NDST4: variants seen among roughly 807,000 people sequenced by gnomAD.
The protein encoded by NDST4 is N-heparan sulfate sulfotransferase 4.
NDST4 carries 63 observed loss-of-function variants against 100.8 expected under a neutral mutation model. The observed-to-expected ratio is 0.62, with a 90% CI of 0.51 to 0.77. NDST4 has a LOEUF of 0.77. Among genes scored for constraint, NDST4 ranks in the 30% least tolerant of loss-of-function variants. NDST4 has a pLI of 0.00. For missense variants in NDST4, 943 were observed against 1,018.4 expected, an observed-to-expected ratio of 0.93 and a Z score of 1.01; for synonymous variants, 377 against 361.8, an observed-to-expected ratio of 1.04 and a Z score of -0.48.
At chr4:114,998,974 T>C (rs1206429827) in intron 2 of NDST4, among the ~76,000 whole-genome samples, 1 of 152,058 alleles carries the variant, frequency 6.6e-6, no homozygotes, top group Non-Finnish European at 1.5e-5. Flanking sequence ...TTATCTCATA[T>C]CATAATCACA....
Position 115,078,754 on chromosome 4 carries a change from T to A in NDST4, c.-246-1472A>T, listed in dbSNP as rs193239340. ...TACTCAGGAGGCTGAGACAGAGAAT[T>A]GCTTGAACCCGGGAGGCGGAAGATG... On this transcript the variant is annotated intron_variant, in intron 1 of 13. Coordinates refer to ENST00000264363, the MANE Select transcript of NDST4 (RefSeq NM_022569.3). Among the ~76,000 whole-genome samples the A allele has an allele frequency of 3.7e-3, 563 of 151,974 alleles. 3 individuals are homozygous for A. Among genetic ancestry groups the A allele is most frequent in the South Asian group, 4.6e-3 (22 of 4,804 alleles).
intron 13 of NDST4, among the ~76,000 whole-genome samples, chr4:114,829,479 A>G (rs1282167994): frequency 8.5e-5 from 13 of 152,200 alleles, no homozygotes. Flanking sequence ...ATCCAAAATC[A>G]CTTGTTTAGT....
At position 115,074,575 on chromosome 4, in the gene NDST4, T is replaced by C. The variant is rs1161969467; in HGVS notation, c.978+1484A>G. ...TCAATTGCGGTCACTTTATCTCTTC[T>C]TAACAGTCACAAAATGAAATATTTG... On this transcript the variant is annotated intron_variant, in intron 2 of 13. Coordinates refer to ENST00000264363, the MANE Select transcript of NDST4 (RefSeq NM_022569.3). Among the ~76,000 whole-genome samples, 3 of 152,086 alleles carry C rather than the reference T, an allele frequency of 2.0e-5. No individual in the cohort carries two copies. In the East Asian group the frequency reaches 5.8e-4, roughly 29 times the overall value.
chr4:115,010,459 T>C lies in NDST4; in HGVS notation c.979-33185A>G, dbSNP rs563088897. Among the ~76,000 whole-genome samples, 56 of 128,202 alleles carry C rather than the reference T, an allele frequency of 4.4e-4. 9 individuals are homozygous for C. The highest frequency in any genetic ancestry group is 1.6e-3 in the African/African-American group (54 of 33,744). The allele number at this position is 128,202 out of a possible 152,430, so 84.1% of individuals were successfully genotyped here. A position where few individuals can be genotyped will look rare whatever the true frequency, so the allele number is the denominator to read the frequency against. On this transcript the variant is annotated intron_variant, in intron 2 of 13. Transcript: ENST00000264363. Reference sequence around the variant, plus strand: ...GAACAAAAAAACAAACACCGCATATTCTTACTCATAGGTGGGAATTGAACA... The same window carrying C: ...GAACAAAAAAACAAACACCGCATATCCTTACTCATAGGTGGGAATTGAACA...
In NDST4 at chr4:115,009,887, A is replaced by G. The variant is rs1193517564; in HGVS notation, c.979-32613T>C. Among the ~76,000 whole-genome samples, 92 of 92,662 alleles carry G rather than the reference A, an allele frequency of 9.9e-4. 18 individuals are homozygous for G. Among genetic ancestry groups the G allele is most frequent in the Non-Finnish European group, 3.9e-4 (18 of 46,582 alleles). The allele number at this position is 92,662 out of a possible 152,430, so 60.8% of individuals were successfully genotyped here. A position where few individuals can be genotyped will look rare whatever the true frequency, so the allele number is the denominator to read the frequency against. On this transcript the variant is annotated intron_variant, in intron 2 of 13. Coordinates refer to ENST00000264363, the MANE Select transcript of NDST4 (RefSeq NM_022569.3). The stretch of plus-strand genomic sequence containing the variant: ...AAAAGTGGGCGAAGGACATGAACAG[A>G]CACTTCTCAAAAGAAGACATTTATG...
At chr4:114,881,412 T>C (rs371185406) in intron 6 of NDST4, among the ~76,000 whole-genome samples, 1 of 152,084 alleles carries the variant, frequency 6.6e-6, no homozygotes, top group South Asian at 2.1e-4. Flanking sequence ...GGTGACTGGA[T>C]AGATACTGGA....
chr4:114,996,556 T>G (rs1226082307), intron 2 of NDST4, among the ~76,000 whole-genome samples: 2 of 152,090 alleles, frequency 1.3e-5, no homozygotes, highest in Non-Finnish European at 2.9e-5. Flanking sequence ...CCAAGAGGCC[T>G]TTTAAGGACT....
intron 2 of NDST4, among the ~76,000 whole-genome samples, chr4:115,063,030 A>C (rs1425384796): frequency 6.6e-6 from 1 of 151,964 alleles, no homozygotes; most frequent in Non-Finnish European, 1.5e-5. Flanking sequence ...GATACACTTG[A>C]AATTCAGGAT....
intron 1 of NDST4, among the ~76,000 whole-genome samples, chr4:115,106,440 C>T (rs1398651566): frequency 6.6e-6 from 1 of 151,996 alleles, no homozygotes; most frequent in Non-Finnish European, 1.5e-5. Context: ...ACCCCCTAAC[C>T]CTCCAGGACC....
chr4:114,876,197 T>A (rs1482380114), intron 6 of NDST4, among the ~76,000 whole-genome samples: 3 of 152,192 alleles, frequency 2.0e-5, no homozygotes, highest in African/African-American at 7.2e-5. Context: ...TTTTTCAAGA[T>A]AGGCATTAAA....
chr4:115,040,858 A>G (rs576325726), intron 2 of NDST4, among the ~76,000 whole-genome samples: 39 of 152,024 alleles, frequency 2.6e-4, no homozygotes, highest in Non-Finnish European at 5.1e-4. Flanking sequence ...GTGCATATAT[A>G]TATATATTTA....
intron 2 of NDST4, among the ~76,000 whole-genome samples, chr4:115,012,789 A>C (rs115089542): frequency 0.015 from 2,297 of 152,140 alleles, 68 homozygotes; most frequent in African/African-American, 0.052. Context: ...GAAGCAATCT[A>C]ATTGTTCATC....
chr4:114,889,335 T>A (rs531473798), intron 6 of NDST4, among the ~76,000 whole-genome samples: 1 of 152,280 alleles, frequency 6.6e-6, no homozygotes, highest in Admixed American at 6.6e-5. Flanking sequence ...AGGTGATGAA[T>A]ATACAAATTA....
chr4:115,098,266 C>G (rs757137332), intron 1 of NDST4, among the ~76,000 whole-genome samples: 3 of 152,106 alleles, frequency 2.0e-5, no homozygotes, highest in Non-Finnish European at 4.4e-5. Context: ...ATAAAAAGGT[C>G]TTACTCAAAT....
chr4:114,853,500 T>C (rs767197913), intron 7 of NDST4, among the ~76,000 whole-genome samples: 2 of 152,244 alleles, frequency 1.3e-5, no homozygotes, highest in Non-Finnish European at 2.9e-5. Context: ...TATTTCATTC[T>C]ATCTGGCTGA....
At chr4:115,112,709 G>C (rs1729979782) in intron 1 of NDST4, among the ~76,000 whole-genome samples, 1 of 151,722 alleles carries the variant, frequency 6.6e-6, no homozygotes, top group Non-Finnish European at 1.5e-5. Flanking sequence ...AAAAGAATGA[G>C]TAAAACCATA....
At chr4:114,903,551 A>G (rs1724890177) in intron 6 of NDST4, among the ~76,000 whole-genome samples, 1 of 151,920 alleles carries the variant, frequency 6.6e-6, no homozygotes, top group Non-Finnish European at 1.5e-5. Context: ...TGTTCCAGTA[A>G]GTTGTAATTA....
chr4:115,077,884 C>A (rs1001397743), intron 1 of NDST4, among the ~76,000 whole-genome samples: 6 of 152,184 alleles, frequency 3.9e-5, no homozygotes, highest in Non-Finnish European at 7.3e-5. Flanking sequence ...CTTGCAGGAA[C>A]AGGCATTCTC....
chr4:115,092,559 TAAG>T (rs1729540670), intron 1 of NDST4, among the ~76,000 whole-genome samples: 1 of 152,020 alleles, frequency 6.6e-6, no homozygotes, highest in African/African-American at 2.4e-5. Flanking sequence ...TTGAAATAAA[TAAG>T]AACAATAGTA....
Sources: allele counts gnomAD v4.1 joint callset (sites outside exome capture counted in the v4.1 genomes callset), GRCh38; gene constraint gnomAD v4.1.1; transcripts MANE v1.5; gene names NCBI Gene and HGNC (gene_info 2026-07-23, HGNC 2026-07-21).